The following UBN2 variants were observed in gnomAD, a reference collection of about 807,000 sequenced individuals.
UBN2 encodes ubinuclein-2.
A neutral mutation model predicts 120.2 loss-of-function variants in UBN2; 35 were observed. The ratio of observed to expected loss-of-function variants is 0.29; its 90% confidence interval spans 0.22 to 0.39. The LOEUF (loss-of-function observed/expected upper bound fraction) is 0.39, where lower values mean the gene tolerates loss of function less well. Ranked by LOEUF, UBN2 falls within the 10% of genes least tolerant of loss-of-function variation. UBN2 has a pLI of 1.00. For missense variants in UBN2, 1,693 were observed against 1,663.2 expected, an observed-to-expected ratio of 1.02 and a Z score of -0.31; for synonymous variants, 661 against 648.7, an observed-to-expected ratio of 1.02 and a Z score of -0.29.
chr7:139,271,603 G>A (rs75085609), intron 8 of UBN2, among the ~76,000 whole-genome samples: 2,375 of 151,610 alleles, frequency 0.016, 43 homozygotes, highest in African/African-American at 0.046. Flanking sequence ...AAAAAAAATT[G>A]TTTCAGTAAA....
Position 139,304,444 on chromosome 7 carries a change from T to C in UBN2, c.*6608T>C. On this transcript the variant is annotated 3_prime_UTR_variant, in exon 18 of 18. Transcript: ENST00000473989. ...GTACTACTACATAGAATTTTCCCGT[T>C]ATCGTTTAAAATAATAGCAACAGGA... The C allele has an allele frequency of 6.6e-6, 1 of 152,302 alleles. No individual in the cohort carries two copies. Among genetic ancestry groups the C allele is most frequent in the East Asian group, 1.9e-4 (1 of 5,194 alleles). 9.4% of individuals were successfully genotyped at this position (152,302 alleles called of 1,614,324 possible). A position where few individuals can be genotyped will look rare whatever the true frequency, so the allele number is the denominator to read the frequency against.
chr7:139,233,915 A>T (rs934279852), intron 1 of UBN2, among the ~76,000 whole-genome samples: 1 of 151,998 alleles, frequency 6.6e-6, no homozygotes, highest in Admixed American at 6.6e-5. Flanking sequence ...ATAGGTGTCT[A>T]TTGGCCCAAT....
At chr7:139,312,284 T>A (rs1469384273), downstream of UBN2, among the ~76,000 whole-genome samples, 2 of 152,202 alleles carry the variant, frequency 1.3e-5, no homozygotes, top group Non-Finnish European at 2.9e-5. Context: ...CAATTTTAAT[T>A]CATACCAATA....
the UBN2 span, among the ~76,000 whole-genome samples, chr7:139,319,060 T>TTGG: frequency 6.6e-6 from 1 of 151,298 alleles, no homozygotes; most frequent in South Asian, 2.1e-4. Flanking sequence ...CAAGAGTCTT[T>TTGG]TGTTGTTGTT....
intron 15 of UBN2, among the ~76,000 whole-genome samples, chr7:139,291,006 G>A (rs1412581541): frequency 6.6e-6 from 1 of 152,068 alleles, no homozygotes; most frequent in Non-Finnish European, 1.5e-5. Context: ...TAATAAAACT[G>A]GAAAGAGCTA....
intron 8 of UBN2, among the ~76,000 whole-genome samples, chr7:139,271,945 G>A (rs1052998504): frequency 1.3e-5 from 2 of 152,146 alleles, no homozygotes; most frequent in African/African-American, 2.4e-5. Flanking sequence ...TATTCTTAGG[G>A]TACTGGTTTC....
chr7:139,231,792 C>G lies in UBN2; in HGVS notation c.308C>G (p.Pro103Arg). Reference sequence around the variant, plus strand: ...CCGCCGCCGCCGTTCCCGCCGCTGCCCTTGCAGCCGCCCCCGCCGCGGGAG... The same window carrying G: ...CCGCCGCCGCCGTTCCCGCCGCTGCGCTTGCAGCCGCCCCCGCCGCGGGAG... The part of the protein sequence containing the change: ...PEPPPPFPPL[P>R]LQPPPPRESA... Residue 103 changes from proline to arginine, a missense_variant, in exon 1 of 18, where the codon CCC becomes CGC. By Grantham distance (103) the Pro-to-Arg change is moderately radical. Around this residue, in one of 5 missense-constraint regions of UBN2, gnomAD observed 663 missense variants for 591.2 expected, o/e 1.12. Coordinates refer to ENST00000473989, the MANE Select transcript of UBN2 (RefSeq NM_173569.4). 7.1e-7 allele frequency: 1 copy of G among 1,403,456 alleles called. No individual in the cohort carries two copies. Among genetic ancestry groups the G allele is most frequent in the Non-Finnish European group, 9.3e-7 (1 of 1,077,670 alleles). 86.9% of individuals were successfully genotyped at this position (1,403,456 alleles called of 1,614,324 possible).
chr7:139,284,056 C>G lies in UBN2; in HGVS notation c.3151C>G (p.Pro1051Ala). Residue 1051 changes from proline to alanine, a missense_variant, in exon 15 of 18, where the codon CCC becomes GCC. Pro to Ala is a conservative substitution (Grantham distance 27, BLOSUM62 -1). Around this residue, in one of 5 missense-constraint regions of UBN2, gnomAD observed 837 missense variants for 817.6 expected, o/e 1.02. Transcript: ENST00000473989. ...TCCCAAGCCTGCCACATCTCCTAAA[C>G]CCCTGCCCTCGCCTAAGCCTTCTGC... ...ASPKPATSPK[P>A]LPSPKPSASP... 1 of 1,614,148 alleles carries G rather than the reference C, an allele frequency of 6.2e-7. No individual in the cohort carries two copies. The highest frequency in any genetic ancestry group is 1.1e-5 in the South Asian group (1 of 91,062).
rs2131067200 is a variant in UBN2 at position 139,294,085 on chromosome 7, A to C, written c.3994+104A>C. The C allele has an allele frequency of 5.7e-6, 7 of 1,225,672 alleles. No homozygotes were observed. In the South Asian group the frequency reaches 9.2e-5, roughly 16 times the overall value. The allele number at this position is 1,225,672 out of a possible 1,614,324, so 75.9% of individuals were successfully genotyped here. On this transcript the variant is annotated intron_variant, in intron 17 of 17. Transcript: ENST00000473989. ...TGAATGGAATGACAAAGGTTGGAAA[A>C]TGCAAATTTTCATAGACTGAATCCT...
In UBN2 at chr7:139,299,801, G is replaced by A. The variant is rs1352703979; in HGVS notation, c.*1965G>A. On this transcript the variant is annotated 3_prime_UTR_variant, in exon 18 of 18. Transcript: ENST00000473989. ...CCCAATTTTTTTAATTTTTTCAAAT[G>A]TAGTGGACCTCTTGCTTTTACGAAA... 6.6e-6 allele frequency: 1 copy of A among 152,072 alleles called. No homozygotes were observed. Among genetic ancestry groups the A allele is most frequent in the Non-Finnish European group, 1.5e-5 (1 of 67,988 alleles). The allele number at this position is 152,072 out of a possible 1,614,324, so 9.4% of individuals were successfully genotyped here.
chr7:139,293,644 T>C, intron 16 of UBN2, 181 bp downstream of exon 16: 1 of 650,058 alleles, frequency 1.5e-6, no homozygotes, highest in Non-Finnish European at 2.6e-6. Flanking sequence ...GGGTTTTATA[T>C]ACAGTTTTTA....
At position 139,269,533 on chromosome 7, in the gene UBN2, A is replaced by G; in HGVS notation, c.1596+10A>G. On this transcript the variant is annotated intron_variant, in intron 8 of 17. Transcript: ENST00000473989. ...ACATCTCAATGTCCAGGTAAGAGGA[A>G]GAACAATAATATCTACATCTTGGGT... 3 of 1,613,276 alleles carry G rather than the reference A, an allele frequency of 1.9e-6. No individual in the cohort carries two copies. Among genetic ancestry groups the G allele is most frequent in the Non-Finnish European group, 2.5e-6 (3 of 1,179,758 alleles).
intron 3 of UBN2, among the ~76,000 whole-genome samples, chr7:139,256,844 A>G (rs1796778944): frequency 6.6e-6 from 1 of 152,098 alleles, no homozygotes; most frequent in Admixed American, 6.6e-5. Flanking sequence ...TTCTTCAATC[A>G]TTTTATTTCT....
At position 139,272,369 on chromosome 7, in the gene UBN2, C is replaced by T; in HGVS notation, c.1644C>T (p.Ser548=). 6.2e-7 allele frequency: 1 copy of T among 1,613,760 alleles called. No individual in the cohort carries two copies. Among genetic ancestry groups the T allele is most frequent in the Non-Finnish European group, 8.5e-7 (1 of 1,179,912 alleles). The change falls in exon 9 of 18, where the codon AGC becomes AGT. Residue 548 remains serine (S), a synonymous_variant. Transcript: ENST00000473989. The part of the protein sequence containing the change: ...EPLQKLKLAV[S]NVMPEQLFKY... ...TGCAAAAACTGAAACTGGCTGTTAG[C>T]AATGTCATGCCTGAACAGCTATTTA...
At chr7:139,328,217 G>A in the UBN2 span, among the ~76,000 whole-genome samples, 105 of 152,284 alleles carry the variant, frequency 6.9e-4, no homozygotes, top group African/African-American at 2.3e-3. Context: ...GGAGGCCTCA[G>A]GAAACTTACA....
At chr7:139,232,312 G>A (rs1453805339) in intron 1 of UBN2, among the ~76,000 whole-genome samples, 1 of 152,254 alleles carries the variant, frequency 6.6e-6, no homozygotes, top group Non-Finnish European at 1.5e-5. Flanking sequence ...GGTTCTCCCT[G>A]TGGCGCTACA....
At chr7:139,318,856 C>T in the UBN2 span, among the ~76,000 whole-genome samples, 3 of 151,928 alleles carry the variant, frequency 2.0e-5, no homozygotes, top group South Asian at 2.1e-4. Flanking sequence ...AATTCATGCG[C>T]GTGGTAAGGG....
chr7:139,294,421 T>C (rs1426450045), intron 17 of UBN2, among the ~76,000 whole-genome samples: 1 of 152,222 alleles, frequency 6.6e-6, no homozygotes, highest in Non-Finnish European at 1.5e-5. Flanking sequence ...CTAAGCAACT[T>C]GCCCAAGATA....
At chr7:139,319,073 T>TG in the UBN2 span, among the ~76,000 whole-genome samples, 1 of 151,592 alleles carries the variant, frequency 6.6e-6, no homozygotes, top group African/African-American at 2.4e-5. Context: ...TTGTTGTTGT[T>TG]TTGTTTTGTT....
Sources: allele counts gnomAD v4.1 joint callset (sites outside exome capture counted in the v4.1 genomes callset), GRCh38; gene constraint gnomAD v4.1.1; regional missense constraint gnomAD v4.1.1; transcripts MANE v1.5; gene names NCBI Gene and HGNC (gene_info 2026-07-23, HGNC 2026-07-21).